Variants in MED13L observed in about 807,000 individuals in gnomAD.
MED13L encodes the protein mediator complex subunit 13L.
MED13L carries 7 observed loss-of-function variants against 220.9 expected under a neutral mutation model. That is an observed-to-expected ratio of 0.03 (90% confidence interval 0.02 to 0.06). MED13L has a LOEUF of 0.06. Ranked by LOEUF, MED13L falls within the 10% of genes least tolerant of loss-of-function variation. MED13L has a pLI of 1.00. For missense variants in MED13L, 1,965 were observed against 2,760.5 expected, an observed-to-expected ratio of 0.71 and a Z score of 6.46; for synonymous variants, 1,011 against 1,015.2, an observed-to-expected ratio of 1.00 and a Z score of 0.08.
intron 4 of MED13L, among the ~76,000 whole-genome samples, chr12:116,091,693 A>G (rs1414898131): frequency 6.6e-6 from 1 of 152,234 alleles, no homozygotes; most frequent in Non-Finnish European, 1.5e-5. Context: ...AAGCTACTGC[A>G]ATCTGAATTT....
intron 2 of MED13L, among the ~76,000 whole-genome samples, chr12:116,172,990 C>T (rs1231699936): frequency 2.0e-5 from 3 of 150,394 alleles, no homozygotes; most frequent in Non-Finnish European, 3.0e-5. Flanking sequence ...TTGTCACTCC[C>T]AGTCCAGGAG....
chr12:116,161,865 T>C (rs1878878370), intron 2 of MED13L, among the ~76,000 whole-genome samples: 1 of 152,184 alleles, frequency 6.6e-6, no homozygotes, highest in Admixed American at 6.5e-5. Flanking sequence ...TCTTCACTAT[T>C]TATCCATATG....
At position 115,985,862 on chromosome 12, in the gene MED13L, A is replaced by T. The variant is rs895514981; in HGVS notation, c.4338+404T>A. ...ACACATTTTTACACTGTTGTCAGGA[A>T]CTCTCACCTACTCACCCTGTCCCTC... On this transcript the variant is annotated intron_variant, in intron 19 of 30. Transcript: ENST00000281928. Among the ~76,000 whole-genome samples the T allele has an allele frequency of 2.0e-5, 3 of 152,122 alleles. 1 individual carries two copies. The South Asian group carries it at 6.2e-4, about 32-fold the overall frequency.
At chr12:116,013,036 G>T in intron 8 of MED13L, 135 bp from the exon 9 acceptor site, 1 of 699,184 alleles carries the variant, frequency 1.4e-6, no homozygotes, top group Non-Finnish European at 2.6e-6. Flanking sequence ...AGCAACCAAT[G>T]AATAAAACAA....
intron 1 of MED13L, among the ~76,000 whole-genome samples, chr12:116,245,272 C>A (rs1315728781): frequency 6.6e-6 from 1 of 152,150 alleles, no homozygotes; most frequent in African/African-American, 2.4e-5. Flanking sequence ...TTGGAAAAGT[C>A]TTCTCTGAGA....
intron 2 of MED13L, among the ~76,000 whole-genome samples, chr12:116,146,918 C>T (rs1378162338): frequency 6.6e-6 from 1 of 151,820 alleles, no homozygotes; most frequent in African/African-American, 2.4e-5. Context: ...TCTAAATAGC[C>T]TCAACTCATC....
chr12:116,261,691 T>G (rs139494629), intron 1 of MED13L, among the ~76,000 whole-genome samples: 22 of 152,290 alleles, frequency 1.4e-4, no homozygotes, highest in African/African-American at 5.1e-4. Context: ...CTTCAGCAGA[T>G]AGATATTGCC....
chr12:116,184,763 C>A (rs1487670899), intron 2 of MED13L, among the ~76,000 whole-genome samples: 1 of 152,126 alleles, frequency 6.6e-6, no homozygotes, highest in African/African-American at 2.4e-5. Flanking sequence ...AAACCATTAA[C>A]TATTTATCAC....
intron 2 of MED13L, among the ~76,000 whole-genome samples, chr12:116,158,607 T>C (rs1245821263): frequency 1.3e-5 from 2 of 152,162 alleles, no homozygotes; most frequent in Non-Finnish European, 2.9e-5. Context: ...GAGATTATAT[T>C]ATAAAAGATT....
At chr12:116,048,450 G>A (rs978126049) in intron 4 of MED13L, among the ~76,000 whole-genome samples, 1 of 152,120 alleles carries the variant, frequency 6.6e-6, no homozygotes, top group African/African-American at 2.4e-5. Flanking sequence ...CAAGGAGAGG[G>A]GAGTCAAAAC....
At chr12:116,127,225 A>G (rs1382861729) in intron 2 of MED13L, among the ~76,000 whole-genome samples, 6 of 152,186 alleles carry the variant, frequency 3.9e-5, no homozygotes, top group Non-Finnish European at 8.8e-5. Flanking sequence ...CTTGGGAGCT[A>G]TATTAGATCT....
At chr12:115,972,299 C>G in intron 25 of MED13L, 63 bp from the exon 26 acceptor site, 1 of 1,591,208 alleles carries the variant, frequency 6.3e-7, no homozygotes, top group Non-Finnish European at 8.5e-7. Context: ...GAGATTTGAG[C>G]TTTTTAGCAG....
At chr12:116,026,493 T>C (rs531778649) in intron 4 of MED13L, among the ~76,000 whole-genome samples, 10 of 152,172 alleles carry the variant, frequency 6.6e-5, no homozygotes, top group African/African-American at 1.4e-4. Context: ...TCAGTTTCCA[T>C]AGATGTAAAA....
chr12:116,240,956 A>C (rs1220074291), intron 1 of MED13L, among the ~76,000 whole-genome samples: 1 of 152,172 alleles, frequency 6.6e-6, no homozygotes, highest in Non-Finnish European at 1.5e-5. Flanking sequence ...ACCTAAGCTA[A>C]AGAAAGTATT....
chr12:115,960,821 A>C lies in MED13L; in HGVS notation c.*445T>G, dbSNP rs66898998. 62,402 of 227,234 alleles carry C rather than the reference A, an allele frequency of 0.27. 11,095 individuals carry two copies. The highest frequency in any genetic ancestry group is 0.38 in the Non-Finnish European group (42,586 of 111,912). The allele number at this position is 227,234 out of a possible 1,614,324, so 14.1% of individuals were successfully genotyped here. ...CTGGTTCTTATTTTTAAAAAGTCCC[A>C]GATTATGGAGTTCAGGTAACCCACA... On this transcript the variant is annotated 3_prime_UTR_variant, in exon 31 of 31. Coordinates refer to ENST00000281928, the MANE Select transcript of MED13L (RefSeq NM_015335.5).
At chr12:116,114,856 A>G (rs1484063573) in intron 2 of MED13L, among the ~76,000 whole-genome samples, 1 of 152,220 alleles carries the variant, frequency 6.6e-6, no homozygotes, top group Non-Finnish European at 1.5e-5. Context: ...CATTTACAGT[A>G]GCACCAAAAC....
chr12:116,095,025 G>C (rs1872536148), intron 4 of MED13L, among the ~76,000 whole-genome samples: 1 of 152,114 alleles, frequency 6.6e-6, no homozygotes, highest in Non-Finnish European at 1.5e-5. Context: ...AGCTGGGTGT[G>C]GTGGTGTGTG....
intron 2 of MED13L, among the ~76,000 whole-genome samples, chr12:116,167,189 CATAA>C (rs1478447562): frequency 1.3e-5 from 2 of 151,924 alleles, no homozygotes; most frequent in East Asian, 1.9e-4. Flanking sequence ...CTTCAAAGAG[CATAA>C]ATGTTTTATA....
At chr12:116,117,392 G>A (rs377663478) in intron 2 of MED13L, among the ~76,000 whole-genome samples, 3 of 152,064 alleles carry the variant, frequency 2.0e-5, no homozygotes, top group Non-Finnish European at 2.9e-5. Flanking sequence ...TTGTGCAAAC[G>A]CGCAGAAATA....
Sources: allele counts gnomAD v4.1 joint callset (sites outside exome capture counted in the v4.1 genomes callset), GRCh38; gene constraint gnomAD v4.1.1; transcripts MANE v1.5; gene names NCBI Gene and HGNC (gene_info 2026-07-23, HGNC 2026-07-21).